VPS8: variants seen among roughly 807,000 people sequenced by gnomAD.
The protein encoded by VPS8 is VPS8 subunit of CORVET complex.
A neutral mutation model predicts 216.4 loss-of-function variants in VPS8; 129 were observed. The ratio of observed to expected loss-of-function variants is 0.60; its 90% CI spans 0.52 to 0.69. The LOEUF is 0.69. Ranked by LOEUF, VPS8 falls within the 30% of genes least tolerant of loss-of-function variation. VPS8 has a pLI of 0.00. For missense variants in VPS8, 1,531 were observed against 1,683.5 expected (o/e 0.91, Z 1.59); for synonymous variants, 571 against 565.4 (o/e 1.01, Z -0.14).
At chr3:184,886,022 C>T in intron 21 of VPS8, 88 bp from the exon 22 acceptor site, 1 of 1,421,500 alleles carries the variant, frequency 7.0e-7, no homozygotes, top group Non-Finnish European at 9.7e-7. Context: ...TCCTAACAAT[C>T]TAAAAGCATC....
intron 43 of VPS8, among the ~76,000 whole-genome samples, chr3:184,995,179 A>C (rs953750749): frequency 6.6e-6 from 1 of 152,202 alleles, no homozygotes; most frequent in Non-Finnish European, 1.5e-5. Context: ...TCTCAGTAAG[A>C]GCCAGCTTGG....
rs746224836 is a variant in VPS8 at position 184,898,657 on chromosome 3, A to G, written c.2094+3A>G. ...ATGAATTTATTAGTCCAATGGAGGT[A>G]AGATACTTCCTAACTTGGATACGTA... On this transcript the variant is annotated splice_donor_region_variant and intron_variant, in intron 24 of 47. Coordinates refer to ENST00000625842, the MANE Select transcript of VPS8 (RefSeq NM_001009921.3). 88 of 1,540,526 alleles carry G rather than the reference A, an allele frequency of 5.7e-5. No homozygotes were observed. In the Admixed American group the frequency reaches 1.8e-3, roughly 31 times the overall value.
chr3:184,932,682 T>C (rs1740892227), intron 34 of VPS8, among the ~76,000 whole-genome samples: 1 of 152,218 alleles, frequency 6.6e-6, no homozygotes, highest in African/African-American at 2.4e-5. Context: ...TCCCTAAATA[T>C]ATGTTTTTGT....
At chr3:185,049,682 C>T (rs777879996) in intron 47 of VPS8, among the ~76,000 whole-genome samples, 35 of 152,132 alleles carry the variant, frequency 2.3e-4, no homozygotes, top group Non-Finnish European at 4.7e-4. Context: ...CCATCTTCTT[C>T]ACTCCCCAAA....
At chr3:184,933,204 G>A (rs1479771396) in intron 34 of VPS8, among the ~76,000 whole-genome samples, 2 of 152,180 alleles carry the variant, frequency 1.3e-5, no homozygotes, top group Non-Finnish European at 2.9e-5. Context: ...CTGTATGAGA[G>A]TTCCTATGGA....
chr3:184,850,599 A>G (rs1027301091), intron 10 of VPS8, among the ~76,000 whole-genome samples: 1 of 152,234 alleles, frequency 6.6e-6, no homozygotes, highest in Non-Finnish European at 1.5e-5. Flanking sequence ...TGAAAAAATA[A>G]ACTGACTTAG....
At chr3:184,842,006 T>A (rs1041559375) in intron 7 of VPS8, among the ~76,000 whole-genome samples, 1 of 151,934 alleles carries the variant, frequency 6.6e-6, no homozygotes. Context: ...AGATTGCATG[T>A]TGATTTTTGG....
intron 8 of VPS8, among the ~76,000 whole-genome samples, chr3:184,848,371 G>A (rs886578533): frequency 2.0e-5 from 3 of 151,964 alleles, no homozygotes; most frequent in Non-Finnish European, 4.4e-5. Context: ...CTTGAGTTTT[G>A]AAGTTTTATA....
At chr3:184,980,978 A>AT (rs1325303230) in intron 40 of VPS8, among the ~76,000 whole-genome samples, 3 of 152,128 alleles carry the variant, frequency 2.0e-5, no homozygotes, top group African/African-American at 4.8e-5. Flanking sequence ...TTTGGATGGC[A>AT]TTTTTTGCTT....
chr3:184,886,142 TCTG>T lies in VPS8; in HGVS notation c.1772_1774del (p.Leu591del). 6.2e-7 allele frequency: 1 copy of T among 1,609,436 alleles called. No individual in the cohort carries two copies. The highest frequency in any genetic ancestry group is 1.1e-5 in the South Asian group (1 of 89,712). On this transcript the variant is annotated inframe_deletion, in exon 22 of 48. Coordinates refer to ENST00000625842, the MANE Select transcript of VPS8 (RefSeq NM_001009921.3). ...TGCCTGTCATAGTTGATTACTGCCT[TCTG>T]CTGCAGCGAAAGTGAGTATGCGTTG...
At chr3:184,845,464 A>G (rs1722939278) in intron 8 of VPS8, among the ~76,000 whole-genome samples, 1 of 152,186 alleles carries the variant, frequency 6.6e-6, no homozygotes, top group African/African-American at 2.4e-5. Context: ...AGGATAGGAC[A>G]TATGAAGAGG....
rs573953162 is a variant in VPS8, at chr3:184,995,547, G to A, written c.3667-785G>A. Among the ~76,000 whole-genome samples the A allele has an allele frequency of 2.6e-5, 4 of 152,300 alleles. No individual in the cohort carries two copies. The South Asian group carries it at 8.3e-4, about 32-fold the overall frequency. On this transcript the variant is annotated intron_variant, in intron 43 of 47. Coordinates refer to ENST00000625842, the MANE Select transcript of VPS8 (RefSeq NM_001009921.3). ...CCAAAAGTATTGCATTACAGGCAAA[G>A]TTAAAGAGTTAAGCTGTATAACAAG...
At chr3:184,948,642 T>C (rs954112925) in intron 36 of VPS8, among the ~76,000 whole-genome samples, 25 of 152,202 alleles carry the variant, frequency 1.6e-4, no homozygotes, top group African/African-American at 6.0e-4. Flanking sequence ...TCATTTTTGC[T>C]TGGAGTCCCC....
intron 26 of VPS8, among the ~76,000 whole-genome samples, chr3:184,914,742 T>TA (rs1443126835): frequency 1.3e-5 from 2 of 152,180 alleles, no homozygotes; most frequent in Non-Finnish European, 2.9e-5. Context: ...TTAGGAAACA[T>TA]ACGAAGAAAC....
intron 47 of VPS8, among the ~76,000 whole-genome samples, chr3:185,049,429 G>A (rs1372122388): frequency 6.6e-6 from 1 of 151,998 alleles, no homozygotes; most frequent in African/African-American, 2.4e-5. Context: ...TCACCTTCCT[G>A]CCACCTGACT....
chr3:184,971,678 G>A lies in VPS8; in HGVS notation c.3346G>A (p.Val1116Ile). The change falls in exon 40 of 48, where the codon GTT becomes ATT. Residue 1116 changes from valine to isoleucine, a missense_variant. By Grantham distance (29) the Val-to-Ile change is conservative. Coordinates refer to ENST00000625842, the MANE Select transcript of VPS8 (RefSeq NM_001009921.3). ...CAAAGAGGATCCCTCATTGAAGGATGTTGAAGATACTATGGTGGAGACCAT... is the reference window on the plus strand; with the variant it reads ...CAAAGAGGATCCCTCATTGAAGGATATTGAAGATACTATGGTGGAGACCAT... ...NTKEDPSLKD[V>I]EDTMVETIAL... 6.2e-7 allele frequency: 1 copy of A among 1,613,336 alleles called. No homozygotes were observed. Among genetic ancestry groups the A allele is most frequent in the Non-Finnish European group, 8.5e-7 (1 of 1,179,538 alleles).
At chr3:184,887,765 C>G (rs2108883821) in intron 22 of VPS8, among the ~76,000 whole-genome samples, 1 of 152,226 alleles carries the variant, frequency 6.6e-6, no homozygotes, top group Admixed American at 6.5e-5. Context: ...TATGTAAATT[C>G]TAGTAGCCTG....
chr3:184,816,187 C>T (rs1577681406), intron 1 of VPS8: 1 of 152,170 alleles, frequency 6.6e-6, no homozygotes, highest in East Asian at 1.9e-4. Context: ...ACCTCACACA[C>T]ATATTGATAT....
At chr3:184,962,182 T>C (rs1208037772) in intron 37 of VPS8, among the ~76,000 whole-genome samples, 1 of 152,272 alleles carries the variant, frequency 6.6e-6, no homozygotes, top group Non-Finnish European at 1.5e-5. Flanking sequence ...GGTAAACATT[T>C]AGATTGTTTC....
Sources: allele counts gnomAD v4.1 joint callset (sites outside exome capture counted in the v4.1 genomes callset), GRCh38; gene constraint gnomAD v4.1.1; transcripts MANE v1.5; gene names NCBI Gene and HGNC (gene_info 2026-07-23, HGNC 2026-07-21).